The following NDC1 variants were observed in gnomAD, a reference collection of about 807,000 sequenced individuals.
NDC1 encodes the protein NDC1 transmembrane nucleoporin.
A neutral mutation model predicts 89.8 loss-of-function variants in NDC1; 24 were observed. The observed-to-expected ratio is 0.27, with a 90% CI of 0.19 to 0.38. The LOEUF (loss-of-function observed/expected upper bound fraction) is 0.38. NDC1 is among the 10% of genes least tolerant of loss of function. The pLI is 1.00. For synonymous variants in NDC1, 296 were observed against 284.8 expected, an observed-to-expected ratio of 1.04 and a Z score of -0.39; for missense variants, 728 against 797.6, an observed-to-expected ratio of 0.91 and a Z score of 1.05.
intron 9 of NDC1, 112 bp from the exon 10 acceptor site, chr1:53,804,121 T>TG (rs1648022411): frequency 1.3e-6 from 1 of 789,704 alleles, no homozygotes; most frequent in Non-Finnish European, 2.0e-6. Flanking sequence ...AACTTTTTCA[T>TG]GAAAAAAAAA....
chr1:53,807,183 G>A (rs1046165856), intron 8 of NDC1, among the ~76,000 whole-genome samples: 4 of 142,402 alleles, frequency 2.8e-5, no homozygotes, highest in Non-Finnish European at 6.0e-5. Flanking sequence ...GGAGGCAGAC[G>A]TTGCAGTGAG....
In NDC1 at chr1:53,800,674, T is replaced by G; in HGVS notation, c.1222+19A>C. ...ATAAAATGTAAATGTTTTCCCCTCT[T>G]AGTAGTCCTAGGGATTACCTGGAGA... On this transcript the variant is annotated intron_variant, in intron 11 of 17. Transcript: ENST00000371429. The G allele has an allele frequency of 6.2e-7, 1 of 1,611,124 alleles. No homozygotes were observed. The highest frequency in any genetic ancestry group is 8.5e-7 in the Non-Finnish European group (1 of 1,177,294).
intron 11 of NDC1, 151 bp downstream of exon 11, chr1:53,800,542 G>A: frequency 1.4e-6 from 1 of 708,416 alleles, no homozygotes; most frequent in Non-Finnish European, 2.3e-6. Context: ...GGTCAGGATG[G>A]TCTCGATCTC....
intron 4 of NDC1, 75 bp from the exon 5 acceptor site, chr1:53,826,011 A>T: frequency 7.0e-7 from 1 of 1,419,528 alleles, no homozygotes; most frequent in Non-Finnish European, 9.6e-7. Context: ...ATGTTTACTG[A>T]AGGCAAAGCT....
At chr1:53,836,089 G>A (rs1649223198) in intron 1 of NDC1, among the ~76,000 whole-genome samples, 1 of 152,142 alleles carries the variant, frequency 6.6e-6, no homozygotes, top group Non-Finnish European at 1.5e-5. Context: ...AATATTTACT[G>A]CTGAATAATA....
At chr1:53,795,123 T>A (rs1647655249) in intron 13 of NDC1, among the ~76,000 whole-genome samples, 1 of 152,146 alleles carries the variant, frequency 6.6e-6, no homozygotes, top group Admixed American at 6.5e-5. Flanking sequence ...CGCCCCATGC[T>A]ACCCATCAGC....
At chr1:53,788,172 T>C (rs1442876606) in intron 15 of NDC1, among the ~76,000 whole-genome samples, 4 of 152,144 alleles carry the variant, frequency 2.6e-5, no homozygotes, top group Non-Finnish European at 5.9e-5. Context: ...CATGCACCTG[T>C]AGTCCAAACT....
rs1647076145 is a variant in NDC1 at position 53,767,561 on chromosome 1, T to C, written c.*409A>G. ...TTAAAAAGTTTATGTATTTTGAGTT[T>C]ACAAAGAGCTAAACTCTTAATTAAG... On this transcript the variant is annotated 3_prime_UTR_variant, in exon 18 of 18. Coordinates refer to ENST00000371429, the MANE Select transcript of NDC1 (RefSeq NM_018087.5). 6.5e-6 allele frequency: 1 copy of C among 154,132 alleles called. No individual in the cohort carries two copies. The highest frequency in any genetic ancestry group is 1.9e-4 in the East Asian group (1 of 5,250). 9.5% of individuals were successfully genotyped at this position (154,132 alleles called of 1,614,324 possible).
chr1:53,819,087 G>GAA lies in NDC1; in HGVS notation c.595-10_595-9dup. The stretch of plus-strand genomic sequence containing the variant: ...ACGCAAGAACTTGTATTGCTGTGGG[G>GAA]AAAAAAAAAAGAATCAAATGACACA... On this transcript the variant is annotated splice_polypyrimidine_tract_variant and intron_variant, in intron 5 of 17. Transcript: ENST00000371429. 1.1e-5 allele frequency: 14 copies of GAA among 1,232,322 alleles called. No homozygotes were observed. The highest frequency in any genetic ancestry group is 2.0e-4 in the Middle Eastern group (1 of 5,124). 76.3% of individuals were successfully genotyped at this position (1,232,322 alleles called of 1,614,324 possible).
chr1:53,807,272 A>C (rs1054501542), intron 8 of NDC1, among the ~76,000 whole-genome samples: 2 of 150,626 alleles, frequency 1.3e-5, no homozygotes, highest in Non-Finnish European at 3.0e-5. Flanking sequence ...AAAAAAAAAA[A>C]AATTCTTACT....
At chr1:53,824,940 A>G (rs1648795963) in intron 5 of NDC1, among the ~76,000 whole-genome samples, 1 of 150,084 alleles carries the variant, frequency 6.7e-6, no homozygotes, top group African/African-American at 2.5e-5. Flanking sequence ...TTGGGAGATC[A>G]ACACAGGCAG....
chr1:53,771,942 T>C (rs1185924499), intron 17 of NDC1, among the ~76,000 whole-genome samples: 1 of 152,232 alleles, frequency 6.6e-6, no homozygotes, highest in African/African-American at 2.4e-5. Context: ...TGGAATACTT[T>C]GCTCACCCCA....
intron 6 of NDC1, among the ~76,000 whole-genome samples, chr1:53,812,219 A>C (rs1248494296): frequency 1.3e-5 from 2 of 152,200 alleles, no homozygotes; most frequent in African/African-American, 4.8e-5. Context: ...CCCCAAAAAA[A>C]ATCACACTAG....
chr1:53,820,812 GC>G (rs1249570656), intron 5 of NDC1, among the ~76,000 whole-genome samples: 2 of 141,740 alleles, frequency 1.4e-5, no homozygotes, highest in Non-Finnish European at 3.0e-5. Context: ...CCAGGTTCAA[GC>G]AATTCTTGTG....
intron 13 of NDC1, among the ~76,000 whole-genome samples, chr1:53,793,624 C>CT (rs1553147946): frequency 6.6e-6 from 1 of 152,050 alleles, no homozygotes; most frequent in Non-Finnish European, 1.5e-5. Context: ...CAGGGTCTCG[C>CT]TTTGTCACCT....
At position 53,816,645 on chromosome 1, in the gene NDC1, CA is replaced by C. The variant is rs547632909; in HGVS notation, c.703+2325del. Among the ~76,000 whole-genome samples the C allele has an allele frequency of 4.6e-3, 562 of 121,354 alleles. 5 individuals are homozygous for C. Among genetic ancestry groups the C allele is most frequent in the African/African-American group, 0.012 (416 of 34,818 alleles). The allele number at this position is 121,354 out of a possible 152,430, so 79.6% of individuals were successfully genotyped here. A position where few individuals can be genotyped will look rare whatever the true frequency, so the allele number is the denominator to read the frequency against. On this transcript the variant is annotated intron_variant, in intron 6 of 17. Coordinates refer to ENST00000371429, the MANE Select transcript of NDC1 (RefSeq NM_018087.5). ...AGCTTTTGCATGGGGAAACAAAAAA[CA>C]AAAAAAAAAAAAACAGCAAAGTAAG...
At chr1:53,797,271 C>A in intron 11 of NDC1, 127 bp from the exon 12 acceptor site, 1 of 857,696 alleles carries the variant, frequency 1.2e-6, no homozygotes. Flanking sequence ...TAGATTGTTT[C>A]CATTTATGAT....
At chr1:53,768,302 T>C (rs749046808) in intron 17 of NDC1, among the ~76,000 whole-genome samples, 1 of 152,262 alleles carries the variant, frequency 6.6e-6, no homozygotes. Context: ...TGCTCTGCTA[T>C]GGAACCTGCT....
intron 5 of NDC1, among the ~76,000 whole-genome samples, chr1:53,824,714 A>G (rs1648787573): frequency 6.6e-6 from 1 of 152,202 alleles, no homozygotes; most frequent in South Asian, 2.1e-4. Context: ...ACCAGATTAC[A>G]TTTTTAAGAC....
Sources: allele counts gnomAD v4.1 joint callset (sites outside exome capture counted in the v4.1 genomes callset), GRCh38; gene constraint gnomAD v4.1.1; transcripts MANE v1.5; gene names NCBI Gene and HGNC (gene_info 2026-07-23, HGNC 2026-07-21).